PTPDC1: variants seen among roughly 807,000 people sequenced by gnomAD.
PTPDC1 encodes the protein protein tyrosine phosphatase domain-containing protein 1.
A neutral mutation model predicts 75.3 loss-of-function variants in PTPDC1; 53 were observed. The ratio of observed to expected loss-of-function variants is 0.70; its 90% CI spans 0.56 to 0.88. The LOEUF (loss-of-function observed/expected upper bound fraction) is 0.88. PTPDC1 is among the 40% of genes least tolerant of loss of function. The pLI is 0.00. For synonymous variants in PTPDC1, 349 were observed against 366.2 expected, an observed-to-expected ratio of 0.95 and a Z score of 0.54; for missense variants, 925 against 998.6, an observed-to-expected ratio of 0.93 and a Z score of 0.99.
At chr9:94,052,062 AT>A (rs1825808532) in intron 1 of PTPDC1, among the ~76,000 whole-genome samples, 2 of 152,166 alleles carry the variant, frequency 1.3e-5, no homozygotes, top group Non-Finnish European at 2.9e-5. Flanking sequence ...TTTAAAAATT[AT>A]TTTTAATTGT....
rs760371743 is a variant in PTPDC1, at chr9:94,098,662, A to C, written c.2013+83A>C. On this transcript the variant is annotated intron_variant, in intron 6 of 8. Coordinates refer to ENST00000620992, the MANE Select transcript of PTPDC1 (RefSeq NM_001253829.2). ...AAGTGTGATACATTTTCCCAAACTT[A>C]TTTATTATAGAAATGTGAAGATACG... is the stretch of plus-strand genomic sequence containing the variant. 18 of 1,173,556 alleles carry C rather than the reference A, an allele frequency of 1.5e-5. No homozygotes were observed. The East Asian group carries it at 3.7e-4, about 24-fold the overall frequency. The allele number at this position is 1,173,556 out of a possible 1,614,324, so 72.7% of individuals were successfully genotyped here. A position where few individuals can be genotyped will look rare whatever the true frequency, so the allele number is the denominator to read the frequency against.
chr9:94,031,701 C>G (rs1829730676), intron 1 of PTPDC1, among the ~76,000 whole-genome samples: 1 of 151,990 alleles, frequency 6.6e-6, no homozygotes, highest in Non-Finnish European at 1.5e-5. Context: ...TCAAAACAAG[C>G]AGATATACGT....
intron 1 of PTPDC1, among the ~76,000 whole-genome samples, chr9:94,043,297 T>C (rs1201235210): frequency 6.6e-6 from 1 of 152,226 alleles, no homozygotes. Context: ...GTATTATGGT[T>C]TTAGTTTGCA....
In PTPDC1 at chr9:94,087,818, C is replaced by T. The variant is rs967345840; in HGVS notation, c.417-13C>T. ...TTTCAGCACATCTCACCAGTCCCTCCACCTATTTGCAGGGTCACTGATAAT... is the reference window on the plus strand; with the variant it reads ...TTTCAGCACATCTCACCAGTCCCTCTACCTATTTGCAGGGTCACTGATAAT... On this transcript the variant is annotated splice_polypyrimidine_tract_variant and intron_variant, in intron 2 of 8. Transcript: ENST00000620992. 1.9e-6 allele frequency: 3 copies of T among 1,604,362 alleles called. No individual in the cohort carries two copies. Among genetic ancestry groups the T allele is most frequent in the African/African-American group, 2.7e-5 (2 of 74,726 alleles).
chr9:94,087,809 C>T lies in PTPDC1; in HGVS notation c.417-22C>T, dbSNP rs144991491. The T allele has an allele frequency of 4.4e-6, 7 of 1,579,910 alleles. No homozygotes were observed. The East Asian group carries it at 1.3e-4, about 30-fold the overall frequency. On this transcript the variant is annotated intron_variant, in intron 2 of 8. Coordinates refer to ENST00000620992, the MANE Select transcript of PTPDC1 (RefSeq NM_001253829.2). ...CTTCCTAGGTTTCAGCACATCTCAC[C>T]AGTCCCTCCACCTATTTGCAGGGTC...
Position 94,104,258 on chromosome 9 carries a change from G to T in PTPDC1, c.2200-17G>T. The stretch of plus-strand genomic sequence containing the variant: ...TTTTTTGAAAAATTTTTTAAATTTT[G>T]ATTTCTACAAAAACAGGGACAGCAC... On this transcript the variant is annotated splice_polypyrimidine_tract_variant and intron_variant, in intron 7 of 8. Coordinates refer to ENST00000620992, the MANE Select transcript of PTPDC1 (RefSeq NM_001253829.2). 1 of 1,579,272 alleles carries T rather than the reference G, an allele frequency of 6.3e-7. No homozygotes were observed. Among genetic ancestry groups the T allele is most frequent in the Non-Finnish European group, 8.7e-7 (1 of 1,154,142 alleles).
In PTPDC1 at chr9:94,085,366, G is replaced by A. The variant is rs962625934; in HGVS notation, c.360G>A (p.Glu120=). ...MACGGRACKY[E]NPARWSEQEQ... ...GTGGCGGTAGAGCTTGCAAGTATGA[G>A]AACCCAGCCCGCTGGAGTGAGCAGG... Residue 120 remains glutamate (E), a synonymous_variant, in exon 2 of 9, where the codon GAG becomes GAA. Coordinates refer to ENST00000620992, the MANE Select transcript of PTPDC1 (RefSeq NM_001253829.2). 2 of 1,614,126 alleles carry A rather than the reference G, an allele frequency of 1.2e-6. No individual in the cohort carries two copies. The highest frequency in any genetic ancestry group is 1.7e-6 in the Non-Finnish European group (2 of 1,180,054).
intron 1 of PTPDC1, among the ~76,000 whole-genome samples, chr9:94,058,825 T>TA (rs1826036846): frequency 6.6e-6 from 1 of 151,536 alleles, no homozygotes; most frequent in Admixed American, 6.6e-5. Flanking sequence ...CCCATCTCTA[T>TA]AAAAATACAA....
intron 2 of PTPDC1, among the ~76,000 whole-genome samples, chr9:94,079,374 T>C (rs1826803380): frequency 1.3e-5 from 2 of 152,198 alleles, no homozygotes. Context: ...ACACCAGCTG[T>C]TGGGTTCCAC....
At chr9:94,093,285 G>A (rs1340717879) in intron 4 of PTPDC1, among the ~76,000 whole-genome samples, 2 of 149,178 alleles carry the variant, frequency 1.3e-5, no homozygotes, top group African/African-American at 5.0e-5. Flanking sequence ...GCCTGGTGGT[G>A]ACAAAATCTC....
intron 1 of PTPDC1, among the ~76,000 whole-genome samples, chr9:94,041,601 G>C (rs767750504): frequency 2.0e-5 from 3 of 152,100 alleles, no homozygotes; most frequent in South Asian, 4.1e-4. Context: ...GTCTTCTGTT[G>C]CTGGCCAGTT....
chr9:94,081,831 G>T (rs1826893592), upstream of PTPDC1, among the ~76,000 whole-genome samples: 1 of 152,196 alleles, frequency 6.6e-6, no homozygotes, highest in Non-Finnish European at 1.5e-5. Flanking sequence ...ATATACCTAG[G>T]AATGTTTGAA....
At chr9:94,045,739 T>G (rs1296860201) in intron 1 of PTPDC1, among the ~76,000 whole-genome samples, 1 of 152,216 alleles carries the variant, frequency 6.6e-6, no homozygotes, top group African/African-American at 2.4e-5. Flanking sequence ...AGATTCTGGA[T>G]ATTAGCCCTT....
chr9:94,071,150 A>C (rs926762242), intron 2 of PTPDC1, among the ~76,000 whole-genome samples: 1 of 152,192 alleles, frequency 6.6e-6, no homozygotes, highest in African/African-American at 2.4e-5. Flanking sequence ...CGAGTGATCA[A>C]GTTTCTCTAC....
intron 1 of PTPDC1, among the ~76,000 whole-genome samples, chr9:94,053,437 A>T (rs1184470986): frequency 6.6e-6 from 1 of 152,164 alleles, no homozygotes; most frequent in East Asian, 1.9e-4. Flanking sequence ...TTAAAAGAAG[A>T]CTATTTTTGT....
intron 1 of PTPDC1, among the ~76,000 whole-genome samples, chr9:94,042,276 T>G (rs1447984521): frequency 6.6e-6 from 1 of 152,216 alleles, no homozygotes; most frequent in East Asian, 1.9e-4. Context: ...TTTTACAGTT[T>G]CCATTCATTT....
chr9:94,081,988 C>T (rs1026679803), upstream of PTPDC1, among the ~76,000 whole-genome samples: 3 of 152,090 alleles, frequency 2.0e-5, no homozygotes, highest in Non-Finnish European at 4.4e-5. Context: ...CACTAGAGAA[C>T]ATTTGAAGCC....
At chr9:94,082,729 G>A (rs1826926699), upstream of PTPDC1, among the ~76,000 whole-genome samples, 1 of 152,092 alleles carries the variant, frequency 6.6e-6, no homozygotes, top group Non-Finnish European at 1.5e-5. Context: ...GACTTCCTTA[G>A]ACATTGACAC....
intron 1 of PTPDC1, among the ~76,000 whole-genome samples, chr9:94,047,100 A>G (rs1447628593): frequency 6.6e-6 from 1 of 152,222 alleles, no homozygotes; most frequent in African/African-American, 2.4e-5. Context: ...CTATTGAGAT[A>G]ATCATGTGGT....
Sources: allele counts gnomAD v4.1 joint callset (sites outside exome capture counted in the v4.1 genomes callset), GRCh38; gene constraint gnomAD v4.1.1; transcripts MANE v1.5; gene names NCBI Gene and HGNC (gene_info 2026-07-23, HGNC 2026-07-21).